IGF2BP1: variants seen among roughly 807,000 people sequenced by gnomAD.
IGF2BP1 encodes insulin like growth factor 2 mRNA binding protein 1.
A neutral mutation model predicts 74.9 loss-of-function variants in IGF2BP1; 11 were observed. The observed-to-expected ratio is 0.15, with a 90% confidence interval of 0.09 to 0.24. The LOEUF (loss-of-function observed/expected upper bound fraction) is 0.24, where lower values mean the gene tolerates loss of function less well. Ranked by LOEUF, IGF2BP1 falls within the 10% of genes least tolerant of loss-of-function variation. The probability of loss-of-function intolerance (pLI) is 1.00; values close to 1 mark genes in which losing one functional copy is unlikely to be tolerated. For synonymous variants in IGF2BP1, 287 were observed against 281.8 expected, an observed-to-expected ratio of 1.02 and a Z score of -0.18; for missense variants, 440 against 757.4, an observed-to-expected ratio of 0.58 and a Z score of 4.92.
At chr17:49,014,866 G>T (rs966838394) in intron 2 of IGF2BP1, 5 of 985,378 alleles carry the variant, frequency 5.1e-6, no homozygotes, top group Non-Finnish European at 6.0e-6. Context: ...GATTGCTTTG[G>T]AGGCTGGTCT....
At chr17:49,010,982 C>T (rs1207243397) in intron 2 of IGF2BP1, among the ~76,000 whole-genome samples, 1 of 151,178 alleles carries the variant, frequency 6.6e-6, no homozygotes, top group Non-Finnish European at 1.5e-5. Flanking sequence ...ACTAAAAATA[C>T]AAAAACTAGC....
At chr17:49,038,534 A>G in intron 6 of IGF2BP1, 85 bp downstream of exon 6, 3 of 1,302,110 alleles carry the variant, frequency 2.3e-6, no homozygotes, top group Non-Finnish European at 3.0e-6. Flanking sequence ...AGCATGCTGG[A>G]GACATCAACA....
chr17:49,021,793 G>T (rs1403796448), intron 2 of IGF2BP1, among the ~76,000 whole-genome samples: 1 of 152,214 alleles, frequency 6.6e-6, no homozygotes, highest in Non-Finnish European at 1.5e-5. Context: ...AAGGTGCCCA[G>T]AAGATACTGC....
At chr17:49,013,352 C>G (rs2041645418) in intron 2 of IGF2BP1, among the ~76,000 whole-genome samples, 1 of 152,160 alleles carries the variant, frequency 6.6e-6, no homozygotes, top group Non-Finnish European at 1.5e-5. Context: ...GTTCCGAAGG[C>G]TCCTAGTTCC....
intron 2 of IGF2BP1, among the ~76,000 whole-genome samples, chr17:49,010,150 T>C (rs1379075919): frequency 3.3e-5 from 5 of 152,146 alleles, no homozygotes; most frequent in Admixed American, 3.3e-4. Context: ...CATCTATCGC[T>C]AGAACTCTTC....
rs2042076243 is a variant in IGF2BP1 at position 49,043,557 on chromosome 17, G to A, written c.1200+7G>A. On this transcript the variant is annotated splice_region_variant and intron_variant, in intron 10 of 14. Transcript: ENST00000290341. ...TCCCTATAGCTCCTTTATGGTAGGT[G>A]GAAGATCTTATTACACGGGATCCCT... The A allele has an allele frequency of 6.2e-7, 1 of 1,613,482 alleles. No individual in the cohort carries two copies. Among genetic ancestry groups the A allele is most frequent in the African/African-American group, 1.3e-5 (1 of 74,910 alleles).
intron 14 of IGF2BP1, among the ~76,000 whole-genome samples, chr17:49,048,797 C>T (rs939562697): frequency 1.3e-5 from 2 of 151,972 alleles, no homozygotes; most frequent in East Asian, 1.9e-4. Context: ...GTGAAGTGCT[C>T]GAGGGATGCG....
chr17:49,019,955 TACACACACACACACACACAC>T (rs61213607), intron 2 of IGF2BP1, among the ~76,000 whole-genome samples: 34 of 78,404 alleles, frequency 4.3e-4, no homozygotes, highest in South Asian at 1.3e-3. Context: ...TATATTTATA[TACACACACACACACACACAC>T]ATACACCCAC....
At chr17:49,029,536 T>A (rs952059550) in intron 4 of IGF2BP1, among the ~76,000 whole-genome samples, 3 of 152,314 alleles carry the variant, frequency 2.0e-5, no homozygotes, top group Admixed American at 2.0e-4. Context: ...AGGCTTAATT[T>A]AAGCCAGGGT....
intron 5 of IGF2BP1, among the ~76,000 whole-genome samples, chr17:49,032,262 C>T (rs1041944871): frequency 2.0e-5 from 3 of 152,178 alleles, no homozygotes; most frequent in Non-Finnish European, 4.4e-5. Context: ...TGGGAAATCC[C>T]TTGCAGAGAA....
At chr17:49,015,221 C>T (rs1296522462) in intron 2 of IGF2BP1, among the ~76,000 whole-genome samples, 1 of 152,228 alleles carries the variant, frequency 6.6e-6, no homozygotes, top group Non-Finnish European at 1.5e-5. Flanking sequence ...GATCCTCCCG[C>T]TTCTGCTTCC....
In IGF2BP1 at chr17:48,999,164, A is replaced by T; in HGVS notation, c.231A>T (p.Lys77Asn). The T allele has an allele frequency of 1.9e-6, 2 of 1,053,120 alleles. No individual in the cohort carries two copies. Among genetic ancestry groups the T allele is most frequent in the Admixed American group, 2.0e-5 (1 of 49,750 alleles). 65.2% of individuals were successfully genotyped at this position (1,053,120 alleles called of 1,614,324 possible). Residue 77 changes from lysine (K) to asparagine (N), a missense_variant, in exon 2 of 15, where the codon AAA becomes AAT. By Grantham distance (94) the Lys-to-Asn change is moderately conservative. Around this residue, in one of 5 missense-constraint regions of IGF2BP1, gnomAD observed 105 missense variants for 199.4 expected, o/e 0.53. Coordinates refer to ENST00000290341, the MANE Select transcript of IGF2BP1 (RefSeq NM_006546.4). ...AGATTGAACATTCGGTGCCCAAAAAACAAAGGTAGGAAAGAGCTCTTTTCG... is the reference window on the plus strand; with the variant it reads ...AGATTGAACATTCGGTGCCCAAAAATCAAAGGTAGGAAAGAGCTCTTTTCG... Reference protein sequence around the residue: ...RLEIEHSVPKKQRSRKIQIRN... With the variant: ...RLEIEHSVPKNQRSRKIQIRN...
intron 2 of IGF2BP1, 28 bp downstream of exon 2, chr17:48,999,197 TGGG>T: frequency 1.3e-5 from 4 of 307,702 alleles, no homozygotes; most frequent in Non-Finnish European, 2.1e-5. Flanking sequence ...TCGGGGGGGG[TGGG>T]GGGGCCGCGG....
intron 5 of IGF2BP1, among the ~76,000 whole-genome samples, chr17:49,034,202 C>G (rs970874257): frequency 6.6e-6 from 1 of 150,780 alleles, no homozygotes; most frequent in Non-Finnish European, 1.5e-5. Flanking sequence ...TTCCACCTCC[C>G]GGGTTCAAGT....
chr17:49,041,308 T>G (rs1488739418), intron 7 of IGF2BP1, 70 bp from the exon 8 acceptor site: 1 of 1,575,354 alleles, frequency 6.3e-7, no homozygotes, highest in Non-Finnish European at 8.7e-7. Context: ...GGTGGCATGG[T>G]GATTGAGTCT....
intron 4 of IGF2BP1, among the ~76,000 whole-genome samples, chr17:49,028,143 A>G (rs1431514398): frequency 1.3e-5 from 2 of 152,312 alleles, no homozygotes; most frequent in East Asian, 1.9e-4. Context: ...AGCCTGGGTA[A>G]GCAAGACTCT....
intron 10 of IGF2BP1, among the ~76,000 whole-genome samples, 168 bp from the exon 11 acceptor site, chr17:49,043,799 C>A (rs959830352): frequency 6.6e-6 from 1 of 152,198 alleles, no homozygotes; most frequent in African/African-American, 2.4e-5. Flanking sequence ...TCCCTTTAGC[C>A]CTACTGGGCA....
Position 49,027,708 on chromosome 17 carries a change from C to T in IGF2BP1, c.337+1191C>T, listed in dbSNP as rs187649456. 6.4e-3 allele frequency among the ~76,000 whole-genome samples: 970 copies of T among 151,698 alleles called. 10 individuals carry two copies. The highest frequency in any genetic ancestry group is 0.022 in the African/African-American group (895 of 41,398). On this transcript the variant is annotated intron_variant, in intron 4 of 14. Transcript: ENST00000290341. ...TCTACTGAAAATATAAAAAATTAGC[C>T]GGGCGTGGTGGCGGGCACCTGTAAT...
In IGF2BP1 at chr17:49,053,150, C is replaced by A. The variant is rs2042186556; in HGVS notation, c.*3706C>A. On this transcript the variant is annotated 3_prime_UTR_variant, in exon 15 of 15. Transcript: ENST00000290341. ...ATCTTTTTTCCTTTTTCCTGACCCC[C>A]TCCTTCTGGAGGCAGTTGGGAGCTA... The A allele has an allele frequency of 6.6e-6, 1 of 152,512 alleles. No individual in the cohort carries two copies. Among genetic ancestry groups the A allele is most frequent in the Non-Finnish European group, 1.5e-5 (1 of 68,054 alleles). The allele number at this position is 152,512 out of a possible 1,614,324, so 9.4% of individuals were successfully genotyped here. A position where few individuals can be genotyped will look rare whatever the true frequency, so the allele number is the denominator to read the frequency against.
Sources: allele counts gnomAD v4.1 joint callset (sites outside exome capture counted in the v4.1 genomes callset), GRCh38; gene constraint gnomAD v4.1.1; regional missense constraint gnomAD v4.1.1; transcripts MANE v1.5; gene names NCBI Gene and HGNC (gene_info 2026-07-23, HGNC 2026-07-21).